GARRE1: variants seen among roughly 807,000 people sequenced by gnomAD.
The protein encoded by GARRE1 is granule associated Rac and RHOG effector 1.
A neutral mutation model predicts 103.2 loss-of-function variants in GARRE1; 49 were observed. The observed-to-expected ratio is 0.47, with a 90% confidence interval of 0.38 to 0.60. The LOEUF is 0.60. Ranked by LOEUF, GARRE1 falls within the 20% of genes least tolerant of loss-of-function variation. The probability of loss-of-function intolerance (pLI) is 0.00; values close to 1 mark genes in which losing one functional copy is unlikely to be tolerated. For missense variants in GARRE1, 1,199 were observed against 1,370.5 expected (o/e 0.87, Z 1.98); for synonymous variants, 505 against 532.8 (o/e 0.95, Z 0.72).
At chr19:34,345,424 G>A (rs2074206449) in intron 10 of GARRE1, among the ~76,000 whole-genome samples, 3 of 152,218 alleles carry the variant, frequency 2.0e-5, no homozygotes, top group Non-Finnish European at 4.4e-5. Context: ...CCACCCACTG[G>A]TGTGGGCACA....
chr19:34,348,795 T>C (rs2074224266), intron 11 of GARRE1: 2 of 546,750 alleles, frequency 3.7e-6, no homozygotes, highest in South Asian at 4.6e-5. Context: ...AAATTTCATA[T>C]ACAAACCATA....
chr19:34,342,040 A>T lies in GARRE1; in HGVS notation c.2106A>T (p.Ala702=), dbSNP rs2074188262. Residue 702 remains alanine (A), a synonymous_variant, in exon 10 of 14, where the codon GCA becomes GCT. Transcript: ENST00000299505. The part of the protein sequence containing the change: ...PSLPVPPPPR[A]PQAGAHTPLT... ...TGCCTGTGCCCCCTCCACCACGGGC[A>T]CCCCAGGCTGGGGCACACACACCTC... 1 of 1,613,812 alleles carries T rather than the reference A, an allele frequency of 6.2e-7. No homozygotes were observed. The highest frequency in any genetic ancestry group is 1.3e-5 in the African/African-American group (1 of 74,864).
intron 1 of GARRE1, among the ~76,000 whole-genome samples, chr19:34,267,705 C>T (rs1359561847): frequency 6.6e-6 from 1 of 150,492 alleles, no homozygotes; most frequent in Non-Finnish European, 1.5e-5. Context: ...AGGTTTCTAA[C>T]TGGTGTAGAC....
At chr19:34,286,801 T>A (rs1599756375) in intron 1 of GARRE1, among the ~76,000 whole-genome samples, 1 of 152,162 alleles carries the variant, frequency 6.6e-6, no homozygotes, top group African/African-American at 2.4e-5. Context: ...ATGTCCGGCC[T>A]TTGTGTATTC....
intron 1 of GARRE1, among the ~76,000 whole-genome samples, chr19:34,273,634 C>T (rs1192566265): frequency 2.6e-5 from 4 of 152,024 alleles, no homozygotes; most frequent in Non-Finnish European, 5.9e-5. Context: ...CAGAGCAAAC[C>T]GGCAGTTGTG....
At chr19:34,298,483 C>A (rs554376795) in intron 1 of GARRE1, among the ~76,000 whole-genome samples, 2 of 151,066 alleles carry the variant, frequency 1.3e-5, no homozygotes, top group East Asian at 3.9e-4. Context: ...GAGGCCGAGA[C>A]GGGTGGATCA....
At position 34,311,033 on chromosome 19, in the gene GARRE1, G is replaced by A. The variant is rs1286176895; in HGVS notation, c.496-8874G>A. On this transcript the variant is annotated intron_variant, in intron 2 of 13. Transcript: ENST00000299505. ...CCGCAAGACAGGGTTTCACTTTGTT[G>A]CCCAGGGTGGAGTGCAGTGGAACAA... is the stretch of plus-strand genomic sequence containing the variant. Among the ~76,000 whole-genome samples the A allele has an allele frequency of 2.0e-5, 3 of 150,098 alleles. No individual in the cohort carries two copies. The East Asian group carries it at 5.9e-4, about 29-fold the overall frequency.
chr19:34,349,809 C>A (rs2074228206), intron 12 of GARRE1, among the ~76,000 whole-genome samples: 1 of 152,072 alleles, frequency 6.6e-6, no homozygotes, highest in Admixed American at 6.6e-5. Context: ...ACAGGCCAGG[C>A]TCTGTCAGAT....
intron 2 of GARRE1, among the ~76,000 whole-genome samples, chr19:34,316,665 A>G (rs1329990575): frequency 6.6e-6 from 1 of 152,214 alleles, no homozygotes; most frequent in African/African-American, 2.4e-5. Flanking sequence ...GCTGTTTCCA[A>G]GGTCCAGCGT....
chr19:34,348,070 G>A, intron 11 of GARRE1, 28 bp downstream of exon 11: 1 of 1,391,802 alleles, frequency 7.2e-7, no homozygotes, highest in Admixed American at 2.8e-5. Context: ...CAGGGAATCT[G>A]AGCTTGAGAC....
At chr19:34,267,034 C>T (rs186528225) in intron 1 of GARRE1, among the ~76,000 whole-genome samples, 11 of 152,158 alleles carry the variant, frequency 7.2e-5, no homozygotes, top group East Asian at 1.9e-4. Flanking sequence ...AGGGCCGAGG[C>T]GGGAGGATCG....
intron 1 of GARRE1, among the ~76,000 whole-genome samples, chr19:34,291,096 C>A: frequency 6.6e-6 from 1 of 151,624 alleles, no homozygotes; most frequent in East Asian, 2.0e-4. Context: ...TTAGTAGATA[C>A]GAGCTTTCAC....
chr19:34,257,710 C>T (rs2073683239), intron 1 of GARRE1, among the ~76,000 whole-genome samples: 1 of 152,124 alleles, frequency 6.6e-6, no homozygotes. Context: ...TGTGCTTGTG[C>T]TTCAAATGTC....
chr19:34,275,588 T>C (rs887982088), intron 1 of GARRE1, among the ~76,000 whole-genome samples: 17 of 152,256 alleles, frequency 1.1e-4, no homozygotes, highest in African/African-American at 4.1e-4. Context: ...AATATTCCAT[T>C]GTACAGTTAT....
chr19:34,298,085 A>G (rs1459966555), intron 1 of GARRE1, among the ~76,000 whole-genome samples: 2 of 152,196 alleles, frequency 1.3e-5, no homozygotes, highest in African/African-American at 4.8e-5. Context: ...CTGGTTATCA[A>G]TAAGTAGACG....
chr19:34,347,771 T>A, intron 10 of GARRE1, 106 bp from the exon 11 acceptor site: 1 of 1,117,396 alleles, frequency 8.9e-7, no homozygotes, highest in Non-Finnish European at 1.2e-6. Context: ...TGGCAGCTCC[T>A]CACTGCCTTT....
intron 1 of GARRE1, among the ~76,000 whole-genome samples, chr19:34,279,767 C>T (rs1278097443): frequency 1.3e-5 from 2 of 151,758 alleles, no homozygotes; most frequent in Admixed American, 6.6e-5. Flanking sequence ...GGGCGGATCA[C>T]GAGGTCAGGA....
intron 8 of GARRE1, among the ~76,000 whole-genome samples, chr19:34,338,399 C>T (rs1160992005): frequency 6.6e-6 from 1 of 152,088 alleles, no homozygotes; most frequent in African/African-American, 2.4e-5. Context: ...TAGCCAGGTG[C>T]GGTGGCACAC....
chr19:34,342,256 T>C lies in GARRE1; in HGVS notation c.2322T>C (p.Pro774=). The part of the protein sequence containing the change: ...PAQAVGAGLS[P]LGQWPGISDL... ...AGGCTGTTGGAGCAGGTCTGTCTCC[T>C]CTTGGTCAGTGGCCTGGCATATCTG... The change falls in exon 10 of 14, where the codon CCT becomes CCC. Residue 774 remains proline, a synonymous_variant. Coordinates refer to ENST00000299505, the MANE Select transcript of GARRE1 (RefSeq NM_014686.5). 3 of 1,614,236 alleles carry C rather than the reference T, an allele frequency of 1.9e-6. No individual in the cohort carries two copies. The highest frequency in any genetic ancestry group is 2.5e-6 in the Non-Finnish European group (3 of 1,180,044).
Sources: allele counts gnomAD v4.1 joint callset (sites outside exome capture counted in the v4.1 genomes callset), GRCh38; gene constraint gnomAD v4.1.1; transcripts MANE v1.5; gene names NCBI Gene and HGNC (gene_info 2026-07-23, HGNC 2026-07-21).